PRLR: variants seen among roughly 807,000 people sequenced by gnomAD.
The protein encoded by PRLR is hPRL receptor.
In PRLR, 13 loss-of-function variants were observed where a neutral mutation model predicts 40.2. The observed-to-expected ratio is 0.32, with a 90% CI of 0.21 to 0.51. The LOEUF (loss-of-function observed/expected upper bound fraction) is 0.51, where lower values mean the gene tolerates loss of function less well. Among genes scored for constraint, PRLR ranks in the 20% least tolerant of loss-of-function variants. PRLR has a pLI of 0.97. For synonymous variants in PRLR, 269 were observed against 278.7 expected (o/e 0.97, Z 0.35); for missense variants, 656 against 747.3 (o/e 0.88, Z 1.42).
intron 4 of PRLR, among the ~76,000 whole-genome samples, chr5:35,084,855 G>T (rs147113164): frequency 2.4e-4 from 37 of 152,194 alleles, no homozygotes; most frequent in African/African-American, 8.4e-4. Flanking sequence ...AGGGCCTCAA[G>T]TATTCTTCTT....
In PRLR at chr5:35,154,599, G is replaced by A. The variant is rs1774433247; in HGVS notation, c.-105-36477C>T. Among the ~76,000 whole-genome samples, 3 of 152,076 alleles carry A rather than the reference G, an allele frequency of 2.0e-5. No homozygotes were observed. The South Asian group carries it at 6.2e-4, about 31-fold the overall frequency. On this transcript the variant is annotated intron_variant, in intron 1 of 9. Coordinates refer to ENST00000618457, the MANE Select transcript of PRLR (RefSeq NM_000949.7). ...AGTGTGGCAATTCCTCAAAGACCCA[G>A]AGGCAGAAATACCACTTGACCCAGC... is the stretch of plus-strand genomic sequence containing the variant.
At chr5:35,201,960 G>GT (rs1775894561) in intron 1 of PRLR, among the ~76,000 whole-genome samples, 1 of 152,100 alleles carries the variant, frequency 6.6e-6, no homozygotes, top group African/African-American at 2.4e-5. Context: ...CAATACCAAC[G>GT]TAAGTAGAAT....
At chr5:35,163,026 C>T (rs1340809852) in intron 1 of PRLR, among the ~76,000 whole-genome samples, 4 of 152,206 alleles carry the variant, frequency 2.6e-5, no homozygotes, top group South Asian at 2.1e-4. Context: ...AAACTCCAAC[C>T]GACTTGCGCA....
At chr5:35,163,146 G>A (rs926099479) in intron 1 of PRLR, among the ~76,000 whole-genome samples, 4 of 152,180 alleles carry the variant, frequency 2.6e-5, no homozygotes, top group Non-Finnish European at 4.4e-5. Context: ...AACCTGTGAG[G>A]TGGGAAGTAC....
chr5:35,194,847 T>C (rs1409442488), intron 1 of PRLR, among the ~76,000 whole-genome samples: 1 of 152,230 alleles, frequency 6.6e-6, no homozygotes, highest in Non-Finnish European at 1.5e-5. Flanking sequence ...CATTATACAT[T>C]TGTTAAAACT....
chr5:35,121,454 A>AT (rs962997382), intron 1 of PRLR, among the ~76,000 whole-genome samples: 19 of 151,780 alleles, frequency 1.3e-4, no homozygotes, highest in South Asian at 2.1e-4. Context: ...TGACCAATAC[A>AT]TTTTTTTTGT....
At chr5:35,083,101 A>C (rs1370594043) in intron 5 of PRLR, among the ~76,000 whole-genome samples, 1 of 147,384 alleles carries the variant, frequency 6.8e-6, no homozygotes, top group Non-Finnish European at 1.5e-5. Context: ...ACACACACAC[A>C]CCACACTTAT....
chr5:35,095,588 C>T (rs1771482463), intron 2 of PRLR, among the ~76,000 whole-genome samples: 1 of 152,230 alleles, frequency 6.6e-6, no homozygotes, highest in African/African-American at 2.4e-5. Flanking sequence ...ATTAGCTTCA[C>T]ACAAACATGT....
At chr5:35,166,479 T>G (rs1216789452) in intron 1 of PRLR, among the ~76,000 whole-genome samples, 1 of 152,154 alleles carries the variant, frequency 6.6e-6, no homozygotes, top group Non-Finnish European at 1.5e-5. Flanking sequence ...TTCAAATTTC[T>G]TCCTCTCTTA....
Position 35,070,255 on chromosome 5 carries a change from G to A in PRLR, c.554C>T (p.Ala185Val). ...EKAAEWEIHF[A>V]GQQTEFKILS... ...AATCTTAAACTCTGTTTGCTGCCCA[G>A]CAAAATGGATCTAAGGTAGAATAAG... The change falls in exon 7 of 10, where the codon GCT becomes GTT. Residue 185 changes from alanine (A) to valine (V), a missense_variant. By Grantham distance (64) the Ala-to-Val change is moderately conservative (BLOSUM62 0). Around this residue, in one of 3 missense-constraint regions of PRLR, gnomAD observed 180 missense variants for 236.8 expected, o/e 0.76. Coordinates refer to ENST00000618457, the MANE Select transcript of PRLR (RefSeq NM_000949.7). 6.2e-7 allele frequency: 1 copy of A among 1,613,796 alleles called. No homozygotes were observed. Among genetic ancestry groups the A allele is most frequent in the East Asian group, 2.2e-5 (1 of 44,856 alleles).
intron 1 of PRLR, among the ~76,000 whole-genome samples, chr5:35,119,822 C>G (rs1199136240): frequency 6.6e-6 from 1 of 152,058 alleles, no homozygotes; most frequent in East Asian, 1.9e-4. Flanking sequence ...AGTGGAGAAC[C>G]AGGACAAGGG....
rs1768765651 is a variant in PRLR at position 35,057,070 on chromosome 5, T to A, written c.*8019A>T. ...AATAATATGGATAAATAATAACTGT[T>A]CAAAAGGATTCCCCACTTAAAAAAA... On this transcript the variant is annotated 3_prime_UTR_variant, in exon 10 of 10. Coordinates refer to ENST00000618457, the MANE Select transcript of PRLR (RefSeq NM_000949.7). 6.6e-6 allele frequency: 1 copy of A among 152,166 alleles called. No homozygotes were observed. The highest frequency in any genetic ancestry group is 1.9e-4 in the East Asian group (1 of 5,206). 9.4% of individuals were successfully genotyped at this position (152,166 alleles called of 1,614,324 possible). A position where few individuals can be genotyped will look rare whatever the true frequency, so the allele number is the denominator to read the frequency against.
At chr5:35,113,749 C>G (rs1772842098) in intron 2 of PRLR, among the ~76,000 whole-genome samples, 1 of 152,220 alleles carries the variant, frequency 6.6e-6, no homozygotes, top group Non-Finnish European at 1.5e-5. Context: ...CCTGCAGGTA[C>G]CATGAGAACC....
intron 1 of PRLR, among the ~76,000 whole-genome samples, chr5:35,201,857 T>C (rs2111609742): frequency 6.6e-6 from 1 of 152,324 alleles, no homozygotes; most frequent in South Asian, 2.1e-4. Flanking sequence ...TTTCACTCCT[T>C]GACCCCAAAA....
rs561876559 is a variant in PRLR, at chr5:35,219,035, G to A, written c.-106+11233C>T. Among the ~76,000 whole-genome samples the A allele has an allele frequency of 3.3e-5, 5 of 152,280 alleles. No individual in the cohort carries two copies. The South Asian group carries it at 8.3e-4, about 25-fold the overall frequency. ...TGCCCTGTTGGCGGCGGGGTGGGGG[G>A]TGGTTTATCCTCCCACCTTGGCAGA... On this transcript the variant is annotated intron_variant, in intron 1 of 9. Transcript: ENST00000618457.
At position 35,146,057 on chromosome 5, in the gene PRLR, C is replaced by T. The variant is rs73076830; in HGVS notation, c.-105-27935G>A. Among the ~76,000 whole-genome samples, 308 of 152,266 alleles carry T rather than the reference C, an allele frequency of 2.0e-3. 3 individuals carry two copies. Among genetic ancestry groups the T allele is most frequent in the Non-Finnish European group, 3.2e-3 (216 of 68,018 alleles). ...CAAAGAACCTCCATAAATCCTAGTACAACTTCATCATGACCCTCAAATCTA... is the reference window on the plus strand; with the variant it reads ...CAAAGAACCTCCATAAATCCTAGTATAACTTCATCATGACCCTCAAATCTA... On this transcript the variant is annotated intron_variant, in intron 1 of 9. Transcript: ENST00000618457.
Position 35,065,666 on chromosome 5 carries a change from T to C in PRLR, c.1292A>G (p.His431Arg). The stretch of plus-strand genomic sequence containing the variant: ...CAGCTCACACACATCAGTAATATTG[T>C]GGTAAGAGGATCTGGGGTTGTGCTG... ...PSQHNPRSSY[H>R]NITDVCELAV... Residue 431 changes from histidine (H) to arginine (R), a missense_variant, in exon 10 of 10, where the codon CAC (histidine) becomes CGC (arginine). By Grantham distance (29) the His-to-Arg change is conservative. Transcript: ENST00000618457. The C allele has an allele frequency of 6.2e-7, 1 of 1,614,084 alleles. No individual in the cohort carries two copies. The highest frequency in any genetic ancestry group is 8.5e-7 in the Non-Finnish European group (1 of 1,180,010).
intron 1 of PRLR, among the ~76,000 whole-genome samples, chr5:35,160,242 A>C (rs942771497): frequency 7.5e-6 from 1 of 132,774 alleles, no homozygotes; most frequent in Non-Finnish European, 1.6e-5. Flanking sequence ...TTTCCATTTC[A>C]GTGTTAATTC....
intron 1 of PRLR, among the ~76,000 whole-genome samples, chr5:35,215,898 G>T (rs1291527479): frequency 2.0e-5 from 3 of 150,216 alleles, no homozygotes; most frequent in Non-Finnish European, 4.4e-5. Context: ...AAAATTAGCT[G>T]GGCTTGGTGA....
Sources: allele counts gnomAD v4.1 joint callset (sites outside exome capture counted in the v4.1 genomes callset), GRCh38; gene constraint gnomAD v4.1.1; regional missense constraint gnomAD v4.1.1; transcripts MANE v1.5; gene names NCBI Gene and HGNC (gene_info 2026-07-23, HGNC 2026-07-21).